VAV2: variants seen among roughly 807,000 people sequenced by gnomAD.
The protein encoded by VAV2 is vav guanine nucleotide exchange factor 2.
In VAV2, 67 loss-of-function variants were observed where a neutral mutation model predicts 132.5. That is an observed-to-expected ratio of 0.51 (90% CI 0.42 to 0.62). The LOEUF (loss-of-function observed/expected upper bound fraction) is 0.62, where lower values mean the gene tolerates loss of function less well. VAV2 is among the 20% of genes least tolerant of loss of function. The probability of loss-of-function intolerance (pLI) is 0.00; values close to 1 mark genes in which losing one functional copy is unlikely to be tolerated. For missense variants in VAV2, 938 were observed against 1,153.6 expected (o/e 0.81, Z 2.71); for synonymous variants, 492 against 443.5 (o/e 1.11, Z -1.37).
intron 8 of VAV2, among the ~76,000 whole-genome samples, chr9:133,806,602 A>G (rs1440141313): frequency 6.6e-6 from 1 of 151,202 alleles, no homozygotes; most frequent in Non-Finnish European, 1.5e-5. Context: ...GCTCAAGGAC[A>G]GATGAACTCT....
intron 17 of VAV2, among the ~76,000 whole-genome samples, chr9:133,784,664 G>A (rs192611775): frequency 6.6e-6 from 1 of 152,382 alleles, no homozygotes; most frequent in East Asian, 1.9e-4. Flanking sequence ...CTTCCAGGTG[G>A]GGACGGTGGT....
At chr9:133,836,841 G>A (rs892393462) in intron 3 of VAV2, among the ~76,000 whole-genome samples, 11 of 152,288 alleles carry the variant, frequency 7.2e-5, no homozygotes, top group Admixed American at 2.6e-4. Context: ...GCACACACGC[G>A]TGCCTCTCAC....
intron 1 of VAV2, among the ~76,000 whole-genome samples, chr9:133,964,357 T>C (rs898746029): frequency 2.6e-5 from 4 of 151,742 alleles, no homozygotes; most frequent in Admixed American, 1.3e-4. Context: ...CACAAATACA[T>C]GTATTTACAT....
chr9:133,855,576 C>T (rs1837353651), intron 3 of VAV2, among the ~76,000 whole-genome samples: 1 of 152,244 alleles, frequency 6.6e-6, no homozygotes, highest in African/African-American at 2.4e-5. Flanking sequence ...CGGCCTCTCC[C>T]TGCACGAGCC....
chr9:133,928,679 C>G lies in VAV2; in HGVS notation c.321+10424G>C, dbSNP rs536582739. On this transcript the variant is annotated intron_variant, in intron 2 of 29. Transcript: ENST00000371850. The surrounding 1 kb of genome is among the most constrained non-coding windows in gnomAD (Gnocchi z 5.4). ...GGCCTGGGTGTGGAGATAAGGGGTG[C>G]TGGATCAATACCCCAAGGTTACTGC... Among the ~76,000 whole-genome samples the G allele has an allele frequency of 2.0e-5, 3 of 152,164 alleles. No homozygotes were observed. The highest frequency in any genetic ancestry group is 2.9e-5 in the Non-Finnish European group (2 of 68,014).
chr9:133,779,773 G>C, intron 21 of VAV2, 145 bp downstream of exon 21: 1 of 1,102,570 alleles, frequency 9.1e-7, no homozygotes, highest in Non-Finnish European at 1.3e-6. Context: ...AGGCAAGAGG[G>C]AGGGGGCCCA....
At chr9:133,800,303 G>A (rs1043387482) in intron 9 of VAV2, among the ~76,000 whole-genome samples, 10 of 152,244 alleles carry the variant, frequency 6.6e-5, no homozygotes, top group African/African-American at 2.4e-4. Flanking sequence ...CTGGCCTGAG[G>A]ACTCTAGGTG....
At chr9:133,806,470 G>A (rs375150787) in intron 8 of VAV2, among the ~76,000 whole-genome samples, 68 of 152,302 alleles carry the variant, frequency 4.5e-4, no homozygotes, top group East Asian at 4.4e-3. Context: ...TGCAGACAGC[G>A]TGGGGCGGCA....
intron 3 of VAV2, among the ~76,000 whole-genome samples, chr9:133,858,525 T>C (rs1010908049): frequency 1.3e-5 from 2 of 152,086 alleles, no homozygotes; most frequent in African/African-American, 4.8e-5. Context: ...TAGATCTTTC[T>C]CTGCAACCAT....
chr9:133,934,320 T>C (rs1296274761), intron 2 of VAV2, among the ~76,000 whole-genome samples: 1 of 152,168 alleles, frequency 6.6e-6, no homozygotes, highest in African/African-American at 2.4e-5. Flanking sequence ...GGAAACGGCA[T>C]TTCCTAAACC....
rs1041184443 is a variant in VAV2, at chr9:133,804,914, T to A, written c.836+1167A>T. ...CCACTGGACCACAAGCACTGCCTGCTCCCTCGTGTCTCCGGGAACCCTCCA... is the reference window on the plus strand; with the variant it reads ...CCACTGGACCACAAGCACTGCCTGCACCCTCGTGTCTCCGGGAACCCTCCA... On this transcript the variant is annotated intron_variant, in intron 9 of 29. Transcript: ENST00000371850. The surrounding 1 kb of genome is among the most constrained non-coding windows in gnomAD (Gnocchi z 4.5). Among the ~76,000 whole-genome samples the A allele has an allele frequency of 6.6e-6, 1 of 152,088 alleles. No individual in the cohort carries two copies. Among genetic ancestry groups the A allele is most frequent in the African/African-American group, 2.4e-5 (1 of 41,406 alleles).
intron 9 of VAV2, among the ~76,000 whole-genome samples, chr9:133,799,996 G>C (rs748912203): frequency 1.4e-4 from 21 of 152,208 alleles, no homozygotes; most frequent in Non-Finnish European, 3.1e-4. Flanking sequence ...CACACACTGG[G>C]CATCACTTGG....
intron 1 of VAV2, among the ~76,000 whole-genome samples, chr9:133,943,074 C>T (rs192752950): frequency 2.6e-5 from 4 of 152,244 alleles, no homozygotes; most frequent in Admixed American, 6.5e-5. Flanking sequence ...GACCAGAGGG[C>T]GGCAGCGCCA....
chr9:133,837,597 GC>G (rs199822069), intron 3 of VAV2, among the ~76,000 whole-genome samples: 3,652 of 152,102 alleles, frequency 0.024, 123 homozygotes, highest in African/African-American at 0.083. Context: ...TACTCGGGAA[GC>G]TGAGGCAGGA....
At chr9:133,861,454 G>T in intron 2 of VAV2, 22 bp from the exon 3 acceptor site, 2 of 1,611,002 alleles carry the variant, frequency 1.2e-6, no homozygotes, top group Non-Finnish European at 1.7e-6. Flanking sequence ...AAGAAGAGAC[G>T]CTCCTGTAAT....
chr9:133,937,478 T>C lies in VAV2; in HGVS notation c.321+1625A>G, dbSNP rs568696954. Among the ~76,000 whole-genome samples the C allele has an allele frequency of 1.0e-4, 15 of 146,328 alleles. No individual in the cohort carries two copies. In the South Asian group the frequency reaches 3.2e-3, roughly 31 times the overall value. On this transcript the variant is annotated intron_variant, in intron 2 of 29. Transcript: ENST00000371850. ...GTCTGAGTGTGAGTGTGAACATGTG[T>C]GGGGTGGGTGCAAGAGTGTGTGCGT...
At chr9:133,854,124 GCACA>G (rs147388617) in intron 3 of VAV2, among the ~76,000 whole-genome samples, 1 of 88,008 alleles carries the variant, frequency 1.1e-5, no homozygotes, top group Admixed American at 1.0e-4. Flanking sequence ...CCTTGCACCT[GCACA>G]CACACACCCC....
intron 2 of VAV2, among the ~76,000 whole-genome samples, chr9:133,909,666 G>A (rs1839806693): frequency 6.6e-6 from 1 of 152,136 alleles, no homozygotes; most frequent in East Asian, 1.9e-4. Flanking sequence ...TGGTCCGACT[G>A]GGCAAAGAGG....
rs1428581184 is a variant in VAV2, at chr9:133,794,633, G to A, written c.1101+1035C>T. Among the ~76,000 whole-genome samples, 2 of 152,200 alleles carry A rather than the reference G, an allele frequency of 1.3e-5. No homozygotes were observed. The highest frequency in any genetic ancestry group is 2.4e-5 in the African/African-American group (1 of 41,452). ...GGGCTGCCCAGAGGGCAGGGGCCAG[G>A]TGTCAGAGGGCAGGACTGCAGCCCT... On this transcript the variant is annotated intron_variant, in intron 12 of 29. Transcript: ENST00000371850. The surrounding 1 kb of genome is among the most constrained non-coding windows in gnomAD (Gnocchi z 4.6).
Sources: allele counts gnomAD v4.1 joint callset (sites outside exome capture counted in the v4.1 genomes callset), GRCh38; gene constraint gnomAD v4.1.1; non-coding constraint Gnocchi (gnomAD v3.1); transcripts MANE v1.5; gene names NCBI Gene and HGNC (gene_info 2026-07-23, HGNC 2026-07-21).